SGCD: variants seen among roughly 807,000 people sequenced by gnomAD.
SGCD encodes delta-sarcoglycan.
A neutral mutation model predicts 36.6 loss-of-function variants in SGCD; 18 were observed. The ratio of observed to expected loss-of-function variants is 0.49; its 90% CI spans 0.34 to 0.73. SGCD has a LOEUF of 0.73. Among genes scored for constraint, SGCD ranks in the 30% least tolerant of loss-of-function variants. SGCD has a pLI of 0.01. For synonymous variants in SGCD, 133 were observed against 130.6 expected, an observed-to-expected ratio of 1.02 and a Z score of -0.12; for missense variants, 387 against 346.7, an observed-to-expected ratio of 1.12 and a Z score of -0.92.
At position 156,024,326 on chromosome 5, in the gene SGCD, A is replaced by G. The variant is rs185417107; in HGVS notation, c.-281-93552A>G. Among the ~76,000 whole-genome samples the G allele has an allele frequency of 7.9e-5, 12 of 151,210 alleles. No homozygotes were observed. The East Asian group carries it at 2.3e-3, about 29-fold the overall frequency. ...TGGCTTATCTTGTATGACGTCCTCA[A>G]GATGCACTCAATAAATGCTTGCCCT... On this transcript the variant is annotated intron_variant, in intron 1 of 9. Transcript: ENST00000517913.
intron 4 of SGCD, among the ~76,000 whole-genome samples, chr5:156,569,834 A>G (rs1400106918): frequency 1.3e-5 from 2 of 152,172 alleles, no homozygotes; most frequent in Non-Finnish European, 2.9e-5. Flanking sequence ...GGATTGTTTG[A>G]AGAACAGAAA....
In SGCD at chr5:156,082,544, T is replaced by C. The variant is rs535464897; in HGVS notation, c.-281-35334T>C. ...ATCCTCTGCAGATTCAACCAAGTTG[T>C]TGCATATATCAGTAGCCTGTTCCTT... On this transcript the variant is annotated intron_variant, in intron 1 of 9. Transcript: ENST00000517913. Among the ~76,000 whole-genome samples, 318 of 152,346 alleles carry C rather than the reference T, an allele frequency of 2.1e-3. 2 individuals are homozygous for C. The highest frequency in any genetic ancestry group is 7.5e-3 in the African/African-American group (311 of 41,580).
At chr5:155,920,990 T>G (rs1337853252) in intron 1 of SGCD, among the ~76,000 whole-genome samples, 1 of 151,846 alleles carries the variant, frequency 6.6e-6, no homozygotes, top group Non-Finnish European at 1.5e-5. Context: ...ATTGAAGCAA[T>G]GGGGGTGATA....
chr5:155,903,667 A>G (rs1359284309), intron 1 of SGCD, among the ~76,000 whole-genome samples: 1 of 152,170 alleles, frequency 6.6e-6, no homozygotes, highest in African/African-American at 2.4e-5. Flanking sequence ...TAAATGAACT[A>G]ATTTCTAATT....
At chr5:156,424,612 T>A (rs1230195949) in intron 3 of SGCD, among the ~76,000 whole-genome samples, 1 of 152,114 alleles carries the variant, frequency 6.6e-6, no homozygotes, top group African/African-American at 2.4e-5. Flanking sequence ...ATTTATTTAT[T>A]GCATGCGTTT....
At chr5:156,211,831 A>AT in intron 3 of SGCD, among the ~76,000 whole-genome samples, 1 of 152,272 alleles carries the variant, frequency 6.6e-6, no homozygotes, top group East Asian at 1.9e-4. Flanking sequence ...GATACACAAG[A>AT]TAAAAACAAC....
chr5:156,424,619 G>T (rs943340686), intron 3 of SGCD, among the ~76,000 whole-genome samples: 2 of 151,958 alleles, frequency 1.3e-5, no homozygotes, highest in Admixed American at 1.3e-4. Context: ...TATTGCATGC[G>T]TTTTTATTTG....
intron 7 of SGCD, among the ~76,000 whole-genome samples, chr5:156,754,490 T>C (rs1757266137): frequency 6.6e-6 from 1 of 152,200 alleles, no homozygotes; most frequent in Non-Finnish European, 1.5e-5. Flanking sequence ...ATTGTTTACA[T>C]AGATTGGTTT....
the SGCD span, among the ~76,000 whole-genome samples, chr5:155,805,343 A>G: frequency 6.6e-6 from 1 of 152,312 alleles, no homozygotes; most frequent in African/African-American, 2.4e-5. Context: ...CTGGAAAATT[A>G]GGGATAGTTT....
the SGCD span, among the ~76,000 whole-genome samples, chr5:155,778,540 C>A: frequency 1.3e-5 from 2 of 152,076 alleles, no homozygotes; most frequent in Non-Finnish European, 2.9e-5. Flanking sequence ...TATAAATAAA[C>A]GTATTGTTAA....
At chr5:156,410,466 T>C (rs975535210) in intron 3 of SGCD, among the ~76,000 whole-genome samples, 2 of 152,208 alleles carry the variant, frequency 1.3e-5, no homozygotes, top group African/African-American at 4.8e-5. Context: ...CAAACCTCAG[T>C]GTCGTGCAAT....
chr5:155,844,347 C>A, the SGCD span, among the ~76,000 whole-genome samples: 6,786 of 151,666 alleles, frequency 0.045, 211 homozygotes, highest in Middle Eastern at 0.14. Context: ...TAATAAAGTT[C>A]TCCTTACACT....
At chr5:156,339,224 G>T (rs189387763) in intron 2 of SGCD, among the ~76,000 whole-genome samples, 1 of 152,286 alleles carries the variant, frequency 6.6e-6, no homozygotes. Context: ...AAGTTTTACT[G>T]TATTCACTCT....
Position 156,329,548 on chromosome 5 carries a change from G to A in SGCD, c.-29G>A. The A allele has an allele frequency of 1.2e-6, 2 of 1,612,686 alleles. No individual in the cohort carries two copies. Among genetic ancestry groups the A allele is most frequent in the South Asian group, 1.1e-5 (1 of 91,000 alleles). On this transcript the variant is annotated 5_prime_UTR_variant, in exon 2 of 9. Transcript: ENST00000337851. ...GTTCCTTGCAGAGACATTACTGCCG[G>A]GAGTGTTGAGTGAAGGGACCAGGTG...
At chr5:156,091,652 G>A (rs1476982549) in intron 1 of SGCD, among the ~76,000 whole-genome samples, 3 of 152,224 alleles carry the variant, frequency 2.0e-5, no homozygotes, top group African/African-American at 7.2e-5. Context: ...CCCAAGGTTG[G>A]GTTCCATGGC....
intron 3 of SGCD, among the ~76,000 whole-genome samples, chr5:156,497,038 A>G (rs75659121): frequency 0.019 from 2,863 of 152,256 alleles, 32 homozygotes; most frequent in Non-Finnish European, 0.031. Flanking sequence ...TCATATGAAG[A>G]GCATGAGCCT....
chr5:156,058,946 A>G (rs1299783610), intron 1 of SGCD, among the ~76,000 whole-genome samples: 1 of 145,304 alleles, frequency 6.9e-6, no homozygotes, highest in East Asian at 1.9e-4. Flanking sequence ...GTATGTTTGA[A>G]TTTTTCCATG....
intron 3 of SGCD, among the ~76,000 whole-genome samples, chr5:156,137,518 A>G (rs1762487888): frequency 6.6e-6 from 1 of 152,164 alleles, no homozygotes; most frequent in Admixed American, 6.5e-5. Flanking sequence ...CGGTTTCTTC[A>G]TGCTTTTCAT....
At chr5:156,177,553 G>A (rs944266352) in intron 3 of SGCD, among the ~76,000 whole-genome samples, 19 of 152,080 alleles carry the variant, frequency 1.2e-4, no homozygotes, top group Non-Finnish European at 2.2e-4. Context: ...GGAGCTGTTT[G>A]TTTGTTTGTT....
Sources: allele counts gnomAD v4.1 joint callset (sites outside exome capture counted in the v4.1 genomes callset), GRCh38; gene constraint gnomAD v4.1.1; transcripts MANE v1.5; gene names NCBI Gene and HGNC (gene_info 2026-07-23, HGNC 2026-07-21).